CEP57: variants seen among roughly 807,000 people sequenced by gnomAD.
CEP57 encodes the protein centrosomal protein 57, also known as centrosomal protein of 57 kDa.
CEP57 carries 40 observed loss-of-function variants against 68.0 expected under a neutral mutation model. The ratio of observed to expected loss-of-function variants is 0.59; its 90% CI spans 0.46 to 0.77. CEP57 has a LOEUF of 0.77. CEP57 is among the 30% of genes least tolerant of loss of function. The pLI, the probability that CEP57 is intolerant of heterozygous loss-of-function variation, is 0.00. For missense variants in CEP57, 606 were observed against 580.7 expected (o/e 1.04, Z -0.45); for synonymous variants, 219 against 198.7 (o/e 1.10, Z -0.86).
At chr11:95,810,030 G>A (rs1459688789) in intron 2 of CEP57, among the ~76,000 whole-genome samples, 1 of 152,148 alleles carries the variant, frequency 6.6e-6, no homozygotes, top group African/African-American at 2.4e-5. Flanking sequence ...TCTCTGGGAT[G>A]CAAGGCTGGT....
chr11:95,813,150 G>A (rs1403334640), intron 3 of CEP57, 39 bp downstream of exon 3: 2 of 1,570,612 alleles, frequency 1.3e-6, no homozygotes, highest in Non-Finnish European at 1.7e-6. Flanking sequence ...ATCAAAATAA[G>A]TGTTGTGCAG....
chr11:95,795,737 G>A (rs147429626), intron 1 of CEP57, among the ~76,000 whole-genome samples: 125 of 152,236 alleles, frequency 8.2e-4, no homozygotes, highest in Non-Finnish European at 1.4e-3. Flanking sequence ...GTTGACGATC[G>A]TATTGATATT....
At chr11:95,817,459 G>A (rs1269891274) in intron 4 of CEP57, among the ~76,000 whole-genome samples, 2 of 152,126 alleles carry the variant, frequency 1.3e-5, no homozygotes, top group Non-Finnish European at 1.5e-5. Flanking sequence ...CCCTAATTAA[G>A]AGATTAACTA....
intron 2 of CEP57, among the ~76,000 whole-genome samples, chr11:95,809,008 G>A (rs930326131): frequency 6.6e-6 from 1 of 152,178 alleles, no homozygotes; most frequent in African/African-American, 2.4e-5. Flanking sequence ...CTGTCTCTCA[G>A]ACCACAGTGC....
At chr11:95,816,279 A>G (rs916279607) in intron 4 of CEP57, among the ~76,000 whole-genome samples, 7 of 152,210 alleles carry the variant, frequency 4.6e-5, no homozygotes, top group African/African-American at 1.7e-4. Context: ...CACTATGATG[A>G]GAACAGCATG....
chr11:95,828,738 G>C (rs890180713), intron 9 of CEP57, among the ~76,000 whole-genome samples: 1 of 152,116 alleles, frequency 6.6e-6, no homozygotes, highest in African/African-American at 2.4e-5. Context: ...TGCCTTTCTT[G>C]AACTTTTAAA....
Position 95,817,824 on chromosome 11 carries a change from A to G in CEP57, c.542A>G (p.His181Arg), listed in dbSNP as rs1862363329. ...AGAGAACGACAACATGATCAAACAC[A>G]TGTTCAGAGCCAACTTGAAAAATTG... is the stretch of plus-strand genomic sequence containing the variant. ...LERERQHDQTHVQSQLEKLDL... is the reference protein window; with the variant it reads ...LERERQHDQTRVQSQLEKLDL... The change falls in exon 5 of 11, where the codon CAT becomes CGT. Residue 181 changes from histidine (H) to arginine (R), a missense_variant. Coordinates refer to ENST00000325542, the MANE Select transcript of CEP57 (RefSeq NM_014679.5). The G allele has an allele frequency of 6.2e-7, 1 of 1,613,974 alleles. No homozygotes were observed.
At chr11:95,793,445 C>T (rs748441180) in intron 1 of CEP57, among the ~76,000 whole-genome samples, 4 of 152,090 alleles carry the variant, frequency 2.6e-5, no homozygotes, top group African/African-American at 4.8e-5. Context: ...CACAGTAGCT[C>T]CATATTAATT....
chr11:95,829,071 TC>T, intron 9 of CEP57, 115 bp from the exon 10 acceptor site: 3 of 1,136,128 alleles, frequency 2.6e-6, no homozygotes, highest in Non-Finnish European at 3.9e-6. Flanking sequence ...ATTGCTCTGT[TC>T]AAAAAATGGA....
intron 1 of CEP57, among the ~76,000 whole-genome samples, chr11:95,791,205 C>T (rs1042997180): frequency 1.3e-5 from 2 of 152,144 alleles, no homozygotes; most frequent in Non-Finnish European, 2.9e-5. Context: ...TATGCTGTTT[C>T]CTATCCCTGC....
Position 95,799,321 on chromosome 11 carries a change from C to G in CEP57, c.135C>G (p.Phe45Leu). Residue 45 changes from phenylalanine to leucine, a missense_variant, in exon 2 of 11, where the codon TTC (phenylalanine) becomes TTG (leucine). Phe to Leu is a conservative substitution (Grantham distance 22). Coordinates refer to ENST00000325542, the MANE Select transcript of CEP57 (RefSeq NM_014679.5). Reference protein sequence around the residue: ...PYVVYPSDKPFLNSDLRRSPS... With the variant: ...PYVVYPSDKPLLNSDLRRSPS... ...TAGTATATCCTTCGGATAAGCCTTTCCTTAATAGTGATCTACGACGCTCCC... is the reference window on the plus strand; with the variant it reads ...TAGTATATCCTTCGGATAAGCCTTTGCTTAATAGTGATCTACGACGCTCCC... 6.2e-7 allele frequency: 1 copy of G among 1,614,110 alleles called. No homozygotes were observed. The highest frequency in any genetic ancestry group is 8.5e-7 in the Non-Finnish European group (1 of 1,179,988).
intron 8 of CEP57, 118 bp downstream of exon 8, chr11:95,822,694 T>TGGATCATGCCTTTACCAGTGTGA: frequency 1.2e-6 from 1 of 869,416 alleles, no homozygotes; most frequent in Non-Finnish European, 1.9e-6. Flanking sequence ...TACCAGTGTG[T>TGGATCATGCCTTTACCAGTGTGA]GGATCACAGT....
At chr11:95,807,258 G>C (rs531892214) in intron 2 of CEP57, among the ~76,000 whole-genome samples, 8 of 152,272 alleles carry the variant, frequency 5.3e-5, no homozygotes, top group African/African-American at 1.7e-4. Context: ...CAAAGATGTG[G>C]AGAAACCAAA....
intron 4 of CEP57, among the ~76,000 whole-genome samples, chr11:95,817,294 G>C (rs1163270835): frequency 6.6e-6 from 1 of 152,056 alleles, no homozygotes; most frequent in Admixed American, 6.5e-5. Flanking sequence ...ATGAACCTGG[G>C]AGGCGGAGCT....
chr11:95,829,371 G>GA (rs5793749), intron 10 of CEP57, 40 bp downstream of exon 10: 457,694 of 1,361,162 alleles, frequency 0.34, 41,581 homozygotes, highest in Non-Finnish European at 0.36. Flanking sequence ...TAATGATTAA[G>GA]AAAAAAAAAA....
intron 10 of CEP57, among the ~76,000 whole-genome samples, chr11:95,830,113 T>G (rs1457575019): frequency 6.6e-6 from 1 of 152,242 alleles, no homozygotes; most frequent in Non-Finnish European, 1.5e-5. Flanking sequence ...CAGTGCCAAG[T>G]GCTCTGAGTA....
At chr11:95,807,453 A>G (rs1224134057) in intron 2 of CEP57, among the ~76,000 whole-genome samples, 1 of 152,202 alleles carries the variant, frequency 6.6e-6, no homozygotes, top group East Asian at 1.9e-4. Flanking sequence ...CCCATTGCAA[A>G]GAAGCTAAAA....
Position 95,818,819 on chromosome 11 carries a change from A to G in CEP57, c.622-8A>G, listed in dbSNP as rs1198040227. The G allele has an allele frequency of 1.2e-6, 2 of 1,610,622 alleles. No homozygotes were observed. Among genetic ancestry groups the G allele is most frequent in the African/African-American group, 1.3e-5 (1 of 74,970 alleles). On this transcript the variant is annotated splice_polypyrimidine_tract_variant and splice_region_variant and intron_variant, in intron 5 of 10. Coordinates refer to ENST00000325542, the MANE Select transcript of CEP57 (RefSeq NM_014679.5). ...CACCTTTATCCCTTTTGACATTTTT[A>G]TCACTAGAAAAAAATGCAAGAGTTG...
At chr11:95,812,860 GTTTAT>G in intron 2 of CEP57, 67 bp from the exon 3 acceptor site, 1 of 1,369,180 alleles carries the variant, frequency 7.3e-7, no homozygotes, top group Non-Finnish European at 1.0e-6. Flanking sequence ...ATTTAGATGA[GTTTAT>G]TCTTTCTTAA....
Sources: allele counts gnomAD v4.1 joint callset (sites outside exome capture counted in the v4.1 genomes callset), GRCh38; gene constraint gnomAD v4.1.1; transcripts MANE v1.5; gene names NCBI Gene and HGNC (gene_info 2026-07-23, HGNC 2026-07-21).